The following TTN variants were observed in gnomAD, a reference collection of about 807,000 sequenced individuals.
The protein encoded by TTN is titin, also known as connectin.
Under a neutral mutation model 3,223.0 loss-of-function variants are expected in TTN, and 1,525 were observed. The observed-to-expected ratio is 0.47, with a 90% confidence interval of 0.45 to 0.49. The LOEUF (loss-of-function observed/expected upper bound fraction) is 0.49, where lower values mean the gene tolerates loss of function less well. Ranked by LOEUF, TTN falls within the 20% of genes least tolerant of loss-of-function variation. The pLI is 0.00. For missense variants in TTN, 40,786 were observed against 43,424.0 expected (o/e 0.94, Z 5.40); for synonymous variants, 14,094 against 15,161.0 (o/e 0.93, Z 5.17).
Position 178,712,319 on chromosome 2 carries a change from T to C in TTN, c.27603A>G (p.Ile9201Met), listed in dbSNP as rs2154295981. The change falls in exon 95 of 363, where the codon ATA becomes ATG. Residue 9201 changes from isoleucine to methionine, a missense_variant. Ile to Met is a conservative substitution (Grantham distance 10). Coordinates refer to ENST00000589042, the MANE Select transcript of TTN (RefSeq NM_001267550.2). ...AAATGTGCAATCATGACAAACCTAGTATGAGTATTTGTGCTGAACAGGAAT... is the reference window on the plus strand; with the variant it reads ...AAATGTGCAATCATGACAAACCTAGCATGAGTATTTGTGCTGAACAGGAAT... Reference protein sequence around the residue: ...GKDSCSAQILILEPPYFVKQL... With the variant: ...GKDSCSAQILMLEPPYFVKQL... The C allele has an allele frequency of 6.2e-7, 1 of 1,612,708 alleles. No individual in the cohort carries two copies. The highest frequency in any genetic ancestry group is 8.5e-7 in the Non-Finnish European group (1 of 1,178,940).
At chr2:178,688,824 C>CA (rs1560398950) in intron 125 of TTN, 46 bp from the exon 126 acceptor site, 1 of 1,462,514 alleles carries the variant, frequency 6.8e-7, no homozygotes, top group Non-Finnish European at 9.6e-7. Flanking sequence ...AGAATTTTAA[C>CA]AATTCTCACT....
rs761105256 is a variant in TTN at position 178,533,101 on chromosome 2, T to C, written c.103514A>G (p.Glu34505Gly). 3 of 1,613,852 alleles carry C rather than the reference T, an allele frequency of 1.9e-6. No homozygotes were observed. The highest frequency in any genetic ancestry group is 3.3e-4 in the Middle Eastern group (2 of 6,084). ...AGCCGGTTTATAAAGGACAGCAGCT[T>C]CTCTCAGAGCCTCTTTAGCTACCTG... ...LTQVAKEALR[E>G]AAVLYKPAVS... The change falls in exon 358 of 363, where the codon GAA (glutamate) becomes GGA (glycine). Residue 34505 changes from glutamate (E) to glycine (G), a missense_variant. Transcript: ENST00000589042.
Position 178,548,553 on chromosome 2 carries a change from A to G in TTN, c.93073T>C (p.Phe31025Leu). ...GCAGATCCCCGGGTCACATCTTTGA[A>G]GGTAATTGGGCCAGGTGGGCCTGGA... The part of the protein sequence containing the change: ...DTPGPPGPIT[F>L]KDVTRGSATL... Residue 31025 changes from phenylalanine to leucine, a missense_variant, in exon 339 of 363, where the codon TTC becomes CTC. Transcript: ENST00000589042. This position sits in a 1 kb window ranked among gnomAD's most constrained non-coding sequence, Gnocchi z 4.3. 2 of 1,613,868 alleles carry G rather than the reference A, an allele frequency of 1.2e-6. No individual in the cohort carries two copies. The highest frequency in any genetic ancestry group is 1.7e-6 in the Non-Finnish European group (2 of 1,179,792).
At chr2:178,579,872 G>A (rs1454851342) in intron 318 of TTN, 24 bp from the exon 319 acceptor site, 4 of 1,612,394 alleles carry the variant, frequency 2.5e-6, no homozygotes, top group Admixed American at 1.7e-5. Flanking sequence ...GAAATGATAA[G>A]TGTAAGCCCC....
Position 178,784,249 on chromosome 2 carries a change from G to A in TTN, c.2596C>T (p.Pro866Ser), listed in dbSNP as rs1320484376. The stretch of plus-strand genomic sequence containing the variant: ...TCTGCCCTTACTCTAGTCTCACTGG[G>A]CTTCACAGTAGGAGCCTTCACCGAT... The part of the protein sequence containing the change: ...TKSVKAPTVK[P>S]SETRVRAEPT... Residue 866 changes from proline to serine, a missense_variant, in exon 16 of 363, where the codon CCC (proline) becomes TCC (serine). Coordinates refer to ENST00000589042, the MANE Select transcript of TTN (RefSeq NM_001267550.2). The A allele has an allele frequency of 1.9e-6, 3 of 1,614,132 alleles. No homozygotes were observed. The highest frequency in any genetic ancestry group is 3.3e-5 in the Admixed American group (2 of 60,022).
chr2:178,626,350 C>T (rs190611786), intron 240 of TTN, among the ~76,000 whole-genome samples: 3 of 152,052 alleles, frequency 2.0e-5, no homozygotes, highest in Admixed American at 2.0e-4. Flanking sequence ...AATCAGATGT[C>T]AATGGTGCGA....
rs780194162 is a variant in TTN, at chr2:178,533,682, T to A, written c.102933A>T (p.Ser34311=). The A allele has an allele frequency of 1.9e-6, 3 of 1,614,010 alleles. No individual in the cohort carries two copies. The highest frequency in any genetic ancestry group is 2.2e-5 in the South Asian group (2 of 91,082). Residue 34311 remains serine (S), a synonymous_variant, in exon 358 of 363, where the codon TCA becomes TCT. Coordinates refer to ENST00000589042, the MANE Select transcript of TTN (RefSeq NM_001267550.2). ...TTGTTAATTGGTAAAGACCCTTGTC[T>A]GACTCAAATGTGTACTTCTTGTCAT... ...GDNDKKYTFE[S]DKGLYQLTIN...
intron 47 of TTN, chr2:178,750,496 T>G (rs1273942004): frequency 1.2e-6 from 2 of 1,612,898 alleles, no homozygotes; most frequent in Non-Finnish European, 1.7e-6. Context: ...GAGGATATCC[T>G]TGAAAATGAC....
At chr2:178,694,970 ATCTCTCTCTCTCTG>A (rs2154282140) in intron 115 of TTN, 64 bp from the exon 116 acceptor site, 1 of 1,134,180 alleles carries the variant, frequency 8.8e-7, no homozygotes, top group African/African-American at 1.6e-5. Flanking sequence ...CTCTCTCTCT[ATCTCTCTCTCTCTG>A]TGTATATGTG....
At position 178,569,953 on chromosome 2, in the gene TTN, A is replaced by T; in HGVS notation, c.76179T>A (p.Pro25393=). The T allele has an allele frequency of 6.2e-7, 1 of 1,612,538 alleles. No homozygotes were observed. Among genetic ancestry groups the T allele is most frequent in the East Asian group, 2.2e-5 (1 of 44,740 alleles). The part of the protein sequence containing the change: ...NAAGLSEPSP[P]SAYQKACDPI... ...GATCACAAGCCTTTTGGTAAGCAGA[A>T]GGAGGGCTTGGTTCACTAAGTCCAG... is the stretch of plus-strand genomic sequence containing the variant. The change falls in exon 326 of 363, where the codon CCT becomes CCA. Residue 25393 remains proline, a synonymous_variant. Transcript: ENST00000589042.
intron 215 of TTN, 96 bp from the exon 216 acceptor site, chr2:178,646,655 A>T: frequency 1.5e-6 from 1 of 685,472 alleles, no homozygotes; most frequent in Non-Finnish European, 2.5e-6. Context: ...TTACAGTCAC[A>T]AAATAAAAAT....
rs1371141716 is a variant in TTN, at chr2:178,672,458, G to A, written c.34879C>T (p.Pro11627Ser). ...TTAGGCACAAGGACTTTCTTTTCTGGGACTTTCTTTGGTACTTCAGGCACT... is the reference window on the plus strand; with the variant it reads ...TTAGGCACAAGGACTTTCTTTTCTGAGACTTTCTTTGGTACTTCAGGCACT... ...AKVPEVPKKV[P>S]EKKVLVPKKE... is the part of the protein sequence containing the mutation. The change falls in exon 154 of 363, where the codon CCA (proline) becomes TCA (serine). Residue 11627 changes from proline (P) to serine (S), a missense_variant. Physicochemically the swap from Pro to Ser is moderately conservative, Grantham distance 74. Transcript: ENST00000589042. 6.3e-7 allele frequency: 1 copy of A among 1,595,524 alleles called. No homozygotes were observed. Among genetic ancestry groups the A allele is most frequent in the Non-Finnish European group, 8.5e-7 (1 of 1,174,928 alleles).
In TTN at chr2:178,564,120, C is replaced by CT. The variant is rs770264507; in HGVS notation, c.82011dup (p.Asp27338ArgfsTer6). 1 of 1,613,770 alleles carries CT rather than the reference C, an allele frequency of 6.2e-7. No individual in the cohort carries two copies. On this transcript the variant is annotated frameshift_variant, in exon 326 of 363. Transcript: ENST00000589042. LOFTEE classifies it high-confidence loss of function. ...TGTCCTCCATCAGTCCGTATACAGT[C>CT]TTTGACAACAAGAGTTGTTTTCTGA... is the stretch of plus-strand genomic sequence containing the variant.
chr2:178,773,048 T>A lies in TTN; in HGVS notation c.7855+61A>T, dbSNP rs1040829927. 5.6e-6 allele frequency: 9 copies of A among 1,606,620 alleles called. No homozygotes were observed. The Admixed American group carries it at 1.3e-4, about 24-fold the overall frequency. On this transcript the variant is annotated intron_variant, in intron 33 of 362. Coordinates refer to ENST00000589042, the MANE Select transcript of TTN (RefSeq NM_001267550.2). ...TGAAAGGAATTTTGGGGGAAATGAATAATAATTTCTTAAAATAACAATCAC... is the reference window on the plus strand; with the variant it reads ...TGAAAGGAATTTTGGGGGAAATGAAAAATAATTTCTTAAAATAACAATCAC...
In TTN at chr2:178,571,800, C is replaced by T. The variant is rs761619474; in HGVS notation, c.74332G>A (p.Ala24778Thr). Residue 24778 changes from alanine to threonine, a missense_variant, in exon 326 of 363, where the codon GCC becomes ACC. Physicochemically the swap from Ala to Thr is moderately conservative, Grantham distance 58. Coordinates refer to ENST00000589042, the MANE Select transcript of TTN (RefSeq NM_001267550.2). Reference sequence around the variant, plus strand: ...TAATGGCCAACATCTTCTCGGCAGGCGTCCTTTATTGTCAGTAGTGAATTA... The same window carrying T: ...TAATGGCCAACATCTTCTCGGCAGGTGTCCTTTATTGTCAGTAGTGAATTA... ...ENNSLLTIKDACREDVGHYVV... is the reference protein window; with the variant it reads ...ENNSLLTIKDTCREDVGHYVV... 24 of 1,613,234 alleles carry T rather than the reference C, an allele frequency of 1.5e-5. No individual in the cohort carries two copies. The highest frequency in any genetic ancestry group is 4.0e-5 in the African/African-American group (3 of 74,872).
In TTN at chr2:178,610,169, G is replaced by C. The variant is rs772013942; in HGVS notation, c.51357C>G (p.Phe17119Leu). 2 of 1,612,944 alleles carry C rather than the reference G, an allele frequency of 1.2e-6. No homozygotes were observed. The highest frequency in any genetic ancestry group is 1.1e-5 in the South Asian group (1 of 91,060). The stretch of plus-strand genomic sequence containing the variant: ...CAACCTTGTTGACTGCTTTAACACG[G>C]AAGAAGTATTCACCATTTGGTATGA... The part of the protein sequence containing the change: ...KDLIPNGEYF[F>L]RVKAVNKVGG... Residue 17119 changes from phenylalanine to leucine, a missense_variant, in exon 271 of 363, where the codon TTC (phenylalanine) becomes TTG (leucine). Transcript: ENST00000589042.
intron 49 of TTN, 73 bp from the exon 50 acceptor site, chr2:178,736,147 CAG>C: frequency 1.5e-6 from 2 of 1,367,830 alleles, no homozygotes; most frequent in Non-Finnish European, 2.0e-6. Flanking sequence ...TATTCCAAGA[CAG>C]AGAAAAGATG....
chr2:178,728,117 A>C lies in TTN; in HGVS notation c.19707T>G (p.Thr6569=). The part of the protein sequence containing the change: ...AGDDACSGIL[T]VKEPPSFLVK... Reference sequence around the variant, plus strand: ...AGGTAAAGAAATTCTAACCTTTCACAGTTAAGATGCCACTGCATGCATCAT... The same window carrying C: ...AGGTAAAGAAATTCTAACCTTTCACCGTTAAGATGCCACTGCATGCATCAT... Residue 6569 remains threonine (T), a synonymous_variant, in exon 67 of 363, where the codon ACT becomes ACG. Transcript: ENST00000589042. 1 of 1,562,764 alleles carries C rather than the reference A, an allele frequency of 6.4e-7. No homozygotes were observed. Among genetic ancestry groups the C allele is most frequent in the Non-Finnish European group, 8.6e-7 (1 of 1,156,334 alleles).
At position 178,725,837 on chromosome 2, in the gene TTN, C is replaced by T. The variant is rs139549363; in HGVS notation, c.20485G>A (p.Gly6829Ser). The T allele has an allele frequency of 1.4e-5, 23 of 1,613,026 alleles. No individual in the cohort carries two copies. In the African/African-American group the frequency reaches 2.4e-4, roughly 17 times the overall value. The change falls in exon 70 of 363, where the codon GGT becomes AGT. Residue 6829 changes from glycine to serine, a missense_variant. Physicochemically the swap from Gly to Ser is moderately conservative, Grantham distance 56 (BLOSUM62 0). Coordinates refer to ENST00000589042, the MANE Select transcript of TTN (RefSeq NM_001267550.2). ...HILNVDTSDI[G>S]EYHCKAQNEV... ...TTCTGTGCTTTGCAGTGGTATTCACCGATGTCTGAAGTGTCCACATTGAGA... is the reference window on the plus strand; with the variant it reads ...TTCTGTGCTTTGCAGTGGTATTCACTGATGTCTGAAGTGTCCACATTGAGA...
Sources: allele counts gnomAD v4.1 joint callset (sites outside exome capture counted in the v4.1 genomes callset), GRCh38; gene constraint gnomAD v4.1.1; non-coding constraint Gnocchi (gnomAD v3.1); transcripts MANE v1.5; gene names NCBI Gene and HGNC (gene_info 2026-07-23, HGNC 2026-07-21).